Variants in DAB1 observed in about 807,000 individuals in gnomAD.
DAB1 encodes disabled homolog 1.
A neutral mutation model predicts 64.6 loss-of-function variants in DAB1; 15 were observed. That is an observed-to-expected ratio of 0.23 (90% CI 0.16 to 0.36). The LOEUF (loss-of-function observed/expected upper bound fraction) is 0.36. Among genes scored for constraint, DAB1 ranks in the 10% least tolerant of loss-of-function variants. The pLI, the probability that DAB1 is intolerant of heterozygous loss-of-function variation, is 1.00. For synonymous variants in DAB1, 235 were observed against 251.9 expected, an observed-to-expected ratio of 0.93 and a Z score of 0.64; for missense variants, 596 against 706.7, an observed-to-expected ratio of 0.84 and a Z score of 1.78.
chr1:57,075,015 G>T (rs1488697087), intron 4 of DAB1, among the ~76,000 whole-genome samples: 3 of 152,144 alleles, frequency 2.0e-5, no homozygotes, highest in Non-Finnish European at 2.9e-5. Context: ...GTAGGCAGCA[G>T]GGAAAAGTGG....
At chr1:57,697,699 A>C (rs1646861336) in intron 6 of DAB1, among the ~76,000 whole-genome samples, 1 of 152,144 alleles carries the variant, frequency 6.6e-6, no homozygotes, top group African/African-American at 2.4e-5. Context: ...ATACCCTGGG[A>C]ATGATTACTT....
intron 7 of DAB1, among the ~76,000 whole-genome samples, chr1:57,478,183 C>T (rs146104627): frequency 6.6e-6 from 1 of 152,224 alleles, no homozygotes; most frequent in Non-Finnish European, 1.5e-5. Context: ...CTCAGGGCTG[C>T]ACTAGTAAAT....
At chr1:57,108,888 C>T (rs2100716441) in intron 4 of DAB1, among the ~76,000 whole-genome samples, 1 of 152,294 alleles carries the variant, frequency 6.6e-6, no homozygotes, top group Non-Finnish European at 1.5e-5. Flanking sequence ...CTGCCACATC[C>T]CCACTCCTGC....
At chr1:57,728,105 CTT>C (rs1186054527) in intron 6 of DAB1, among the ~76,000 whole-genome samples, 1 of 152,172 alleles carries the variant, frequency 6.6e-6, no homozygotes, top group Non-Finnish European at 1.5e-5. Context: ...ACCAAAGACA[CTT>C]TAGAAAACCC....
intron 3 of DAB1, among the ~76,000 whole-genome samples, chr1:58,495,344 C>T (rs1645780903): frequency 6.6e-6 from 1 of 152,074 alleles, no homozygotes; most frequent in Non-Finnish European, 1.5e-5. Context: ...GGGTGCAGCA[C>T]ACCAACATGG....
At chr1:58,213,937 G>A (rs1286832981) in intron 4 of DAB1, among the ~76,000 whole-genome samples, 1 of 152,096 alleles carries the variant, frequency 6.6e-6, no homozygotes, top group Non-Finnish European at 1.5e-5. Context: ...CTCTTACGTG[G>A]ATTACTCCAA....
chr1:58,388,623 TAAACA>T (rs1192725738), intron 3 of DAB1, among the ~76,000 whole-genome samples: 4 of 152,222 alleles, frequency 2.6e-5, no homozygotes, highest in Admixed American at 6.5e-5. Flanking sequence ...TTTTGTTCAC[TAAACA>T]AAACAGAACA....
At chr1:58,301,282 C>T (rs574540730) in intron 4 of DAB1, among the ~76,000 whole-genome samples, 24 of 151,960 alleles carry the variant, frequency 1.6e-4, no homozygotes, top group African/African-American at 5.1e-4. Context: ...AGAAGTTCTG[C>T]GGAAAGCACT....
chr1:57,298,258 A>G (rs1460073674), intron 1 of DAB1, among the ~76,000 whole-genome samples: 3 of 152,186 alleles, frequency 2.0e-5, no homozygotes, highest in African/African-American at 7.2e-5. Flanking sequence ...GCTTTGCAGG[A>G]ACCCAATGGC....
At chr1:57,292,558 T>A (rs1301267931) in intron 1 of DAB1, among the ~76,000 whole-genome samples, 2 of 152,250 alleles carry the variant, frequency 1.3e-5, no homozygotes, top group African/African-American at 4.8e-5. Flanking sequence ...TTCCAGACCC[T>A]CGTCTCTAAG....
intron 2 of DAB1, among the ~76,000 whole-genome samples, chr1:57,174,962 A>G (rs1662144025): frequency 6.6e-6 from 1 of 152,210 alleles, no homozygotes; most frequent in South Asian, 2.1e-4. Context: ...TTCAATATTT[A>G]AAAATAATTT....
chr1:57,841,815 G>A (rs1653063682), intron 1 of DAB1, among the ~76,000 whole-genome samples: 1 of 152,120 alleles, frequency 6.6e-6, no homozygotes, highest in African/African-American at 2.4e-5. Flanking sequence ...AAATGGGGCT[G>A]CTGTGAAGAT....
intron 4 of DAB1, among the ~76,000 whole-genome samples, chr1:58,209,685 A>AT (rs1194582920): frequency 2.6e-5 from 4 of 152,280 alleles, no homozygotes; most frequent in South Asian, 4.1e-4. Flanking sequence ...GTCTGATCTA[A>AT]TTTTTTTGCA....
intron 9 of DAB1, among the ~76,000 whole-genome samples, chr1:57,041,068 C>A (rs750518497): frequency 6.6e-6 from 1 of 152,100 alleles, no homozygotes; most frequent in Non-Finnish European, 1.5e-5. Context: ...GAATGCAGAG[C>A]AAATCAGAGG....
chr1:58,472,185 G>A (rs1645366802), intron 3 of DAB1, among the ~76,000 whole-genome samples: 1 of 152,148 alleles, frequency 6.6e-6, no homozygotes, highest in South Asian at 2.1e-4. Flanking sequence ...CTCCTTGGAA[G>A]AAAAAGACAC....
chr1:58,300,586 A>C (rs557720467), intron 4 of DAB1, among the ~76,000 whole-genome samples: 1 of 25,778 alleles, frequency 3.9e-5, no homozygotes, highest in African/African-American at 1.0e-4. Flanking sequence ...GAAAGAAAGA[A>C]AGAAAGAAAG....
At chr1:57,423,622 G>A (rs974949903) in intron 1 of DAB1, among the ~76,000 whole-genome samples, 3 of 152,074 alleles carry the variant, frequency 2.0e-5, no homozygotes, top group African/African-American at 4.8e-5. Flanking sequence ...GCGTGTCAGG[G>A]GTGGACAAGT....
At chr1:57,850,585 G>A (rs185281048) in intron 1 of DAB1, among the ~76,000 whole-genome samples, 23 of 152,018 alleles carry the variant, frequency 1.5e-4, no homozygotes, top group Non-Finnish European at 3.1e-4. Flanking sequence ...ATCATTAGTC[G>A]CTGTGGCTCC....
chr1:58,007,112 A>G (rs1270186678), intron 5 of DAB1, among the ~76,000 whole-genome samples: 1 of 152,196 alleles, frequency 6.6e-6, no homozygotes, highest in African/African-American at 2.4e-5. Flanking sequence ...CCACAATTCA[A>G]GCGCTTTCTT....
Sources: gnomAD v4.1 joint callset for allele counts (sites outside exome capture counted in the v4.1 genomes callset) on GRCh38, gnomAD v4.1.1 for gene constraint, MANE v1.5 for transcripts, NCBI Gene and HGNC (gene_info 2026-07-23, HGNC 2026-07-21) for gene names.